CTSB: variants seen among roughly 807,000 people sequenced by gnomAD.
CTSB encodes APP secretase.
A neutral mutation model predicts 44.3 loss-of-function variants in CTSB; 57 were observed. The observed-to-expected ratio is 1.29, with a 90% confidence interval of 1.04 to 1.60. The LOEUF (loss-of-function observed/expected upper bound fraction) is 1.60. CTSB is among the 40% of genes most tolerant of loss of function. The pLI is 0.00. For synonymous variants in CTSB, 320 were observed against 168.0 expected (o/e 1.91, Z -7.00); for missense variants, 768 against 443.0 (o/e 1.73, Z -6.59).
intron 1 of CTSB, among the ~76,000 whole-genome samples, chr8:11,863,514 G>A (rs1365415796): frequency 1.3e-5 from 2 of 151,910 alleles, no homozygotes; most frequent in African/African-American, 2.4e-5. Flanking sequence ...AATAAAAACA[G>A]GAAAAGTGTC....
chr8:11,848,677 G>A (rs1380633129), intron 5 of CTSB: 1 of 303,378 alleles, frequency 3.3e-6, no homozygotes, highest in Non-Finnish European at 6.5e-6. Context: ...CCACCACCTT[G>A]TTGTTAAGGT....
intron 1 of CTSB, among the ~76,000 whole-genome samples, chr8:11,856,332 T>C (rs1815501550): frequency 6.6e-6 from 1 of 152,186 alleles, no homozygotes; most frequent in East Asian, 1.9e-4. Context: ...GAAGCAACCA[T>C]TAAAAAAGCA....
intron 7 of CTSB, 37 bp from the exon 8 acceptor site, chr8:11,847,205 G>A (rs369769242): frequency 1.3e-4 from 184 of 1,377,878 alleles, no homozygotes; most frequent in African/African-American, 9.7e-4. Context: ...GGGGAGGGCA[G>A]TGACCGTGCC....
intron 1 of CTSB, among the ~76,000 whole-genome samples, chr8:11,864,022 T>C (rs891267892): frequency 6.6e-6 from 1 of 152,100 alleles, no homozygotes; most frequent in Non-Finnish European, 1.5e-5. Context: ...TGTCCCTCAG[T>C]AGATAAACAC....
rs878997016 is a variant in CTSB at position 11,843,981 on chromosome 8, T to G, written c.*1144A>C. ...TAGGAGGCTGCAGGTTGCAGTGAGC[T>G]GAGAAGGCGCCACTGCACTCCAGCC... is the stretch of plus-strand genomic sequence containing the variant. On this transcript the variant is annotated 3_prime_UTR_variant, in exon 10 of 10. Coordinates refer to ENST00000353047, the MANE Select transcript of CTSB (RefSeq NM_001908.5). 2 of 152,174 alleles carry G rather than the reference T, an allele frequency of 1.3e-5. No homozygotes were observed. Among genetic ancestry groups the G allele is most frequent in the African/African-American group, 4.8e-5 (2 of 41,438 alleles). The allele number at this position is 152,174 out of a possible 1,614,324, so 9.4% of individuals were successfully genotyped here.
At chr8:11,853,247 G>C (rs114046772) in intron 2 of CTSB, 82 bp downstream of exon 2, 1 of 1,557,832 alleles carries the variant, frequency 6.4e-7, no homozygotes, top group Non-Finnish European at 8.7e-7. Context: ...GCCACAGTGA[G>C]GGCTGGCTTC....
At position 11,845,181 on chromosome 8, in the gene CTSB, C is replaced by T. The variant is rs778494806; in HGVS notation, c.964G>A (p.Glu322Lys). 9.9e-6 allele frequency: 16 copies of T among 1,614,004 alleles called. No homozygotes were observed. The South Asian group carries it at 1.3e-4, about 13-fold the overall frequency. ...ILRGQDHCGI[E>K]SEVVAGIPRT... is the part of the protein sequence containing the mutation. ...GGAATTCCAGCCACCACTTCTGATTCGATTCCACAGTGATCCTGTCCTCTG... is the reference window on the plus strand; with the variant it reads ...GGAATTCCAGCCACCACTTCTGATTTGATTCCACAGTGATCCTGTCCTCTG... Residue 322 changes from glutamate (E) to lysine (K), a missense_variant, in exon 10 of 10, where the codon GAA (glutamate) becomes AAA (lysine). Transcript: ENST00000353047.
Position 11,852,656 on chromosome 8 carries a change from T to G in CTSB, c.166A>C (p.Lys56Gln). ...CCCAGGAAGGTACCACATAGCCTCT[T>G]CAAGTAGCTCATGTCCACGTTGTAG... The part of the protein sequence containing the change: ...NFYNVDMSYL[K>Q]RLCGTFLGGP... Residue 56 changes from lysine to glutamine, a missense_variant, in exon 3 of 10, where the codon AAG becomes CAG. Physicochemically the swap from Lys to Gln is moderately conservative, Grantham distance 53 (BLOSUM62 1). Transcript: ENST00000353047. 6.2e-7 allele frequency: 1 copy of G among 1,614,050 alleles called. No homozygotes were observed. Among genetic ancestry groups the G allele is most frequent in the Non-Finnish European group, 8.5e-7 (1 of 1,180,016 alleles).
intron 4 of CTSB, chr8:11,850,600 G>A (rs772410042): frequency 1.5e-5 from 5 of 325,750 alleles, no homozygotes; most frequent in South Asian, 6.3e-5. Context: ...TTTGCGGACG[G>A]GCCAGCATGT....
rs1001746369 is a variant in CTSB, at chr8:11,866,932, G to A, written c.-26+1069C>T. 1.9e-4 allele frequency among the ~76,000 whole-genome samples: 29 copies of A among 152,260 alleles called. No individual in the cohort carries two copies. The East Asian group carries it at 4.1e-3, about 21-fold the overall frequency. Reference sequence around the variant, plus strand: ...GTGCATCTCAGCTATCCTCTCCTCCGGCAGCAGGCAGTGGGAATGTTTTTC... The same window carrying A: ...GTGCATCTCAGCTATCCTCTCCTCCAGCAGCAGGCAGTGGGAATGTTTTTC... On this transcript the variant is annotated intron_variant, in intron 1 of 9. Coordinates refer to ENST00000353047, the MANE Select transcript of CTSB (RefSeq NM_001908.5).
At position 11,849,171 on chromosome 8, in the gene CTSB, G is replaced by T. The variant is rs780216914; in HGVS notation, c.328-7C>A. On this transcript the variant is annotated splice_region_variant and splice_polypyrimidine_tract_variant and intron_variant, in intron 4 of 9. Transcript: ENST00000353047. Reference sequence around the variant, plus strand: ...CTTCCACAGCCCCGAAGGCCTGCAGGAACGAGCCCCACCGGGTGAGGCTGC... The same window carrying T: ...CTTCCACAGCCCCGAAGGCCTGCAGTAACGAGCCCCACCGGGTGAGGCTGC... 2 of 1,610,008 alleles carry T rather than the reference G, an allele frequency of 1.2e-6. No individual in the cohort carries two copies. The highest frequency in any genetic ancestry group is 2.2e-5 in the East Asian group (1 of 44,826).
intron 3 of CTSB, 91 bp downstream of exon 3, chr8:11,852,519 C>A: frequency 4.2e-6 from 4 of 960,126 alleles, no homozygotes; most frequent in East Asian, 5.1e-5. Flanking sequence ...GCCCTGCGGA[C>A]GCCAGAGAGG....
chr8:11,855,501 A>G (rs1422023426), intron 1 of CTSB, among the ~76,000 whole-genome samples: 2 of 152,216 alleles, frequency 1.3e-5, no homozygotes, highest in African/African-American at 4.8e-5. Context: ...TATAGAAAAT[A>G]AAGTTTTTTA....
intron 2 of CTSB, 86 bp downstream of exon 2, chr8:11,853,243 G>T (rs767888292): frequency 1.5e-5 from 23 of 1,548,880 alleles, no homozygotes; most frequent in Non-Finnish European, 1.7e-5. Context: ...GTGGGCCACA[G>T]TGAGGGCTGG....
chr8:11,847,515 A>C (rs998060590), intron 7 of CTSB, among the ~76,000 whole-genome samples, 164 bp downstream of exon 7: 24 of 152,082 alleles, frequency 1.6e-4, no homozygotes, highest in African/African-American at 4.1e-4. Context: ...GAAAGTGGAG[A>C]GTGTGCTGCT....
chr8:11,858,879 G>A (rs760184574), intron 1 of CTSB, among the ~76,000 whole-genome samples: 2 of 152,102 alleles, frequency 1.3e-5, no homozygotes, highest in African/African-American at 4.8e-5. Flanking sequence ...CTTTATATAG[G>A]CACCCACTTC....
chr8:11,856,080 A>C (rs1182009376), intron 1 of CTSB, among the ~76,000 whole-genome samples: 1 of 152,064 alleles, frequency 6.6e-6, no homozygotes, highest in East Asian at 1.9e-4. Context: ...GTGCAGATAA[A>C]ATCAAGGAGG....
intron 1 of CTSB, among the ~76,000 whole-genome samples, chr8:11,860,490 G>A (rs191712540): frequency 3.9e-5 from 6 of 152,230 alleles, no homozygotes; most frequent in African/African-American, 1.4e-4. Flanking sequence ...AGGCGTGGTG[G>A]TTGTGCACCT....
chr8:11,864,135 T>C (rs1225968563), intron 1 of CTSB, among the ~76,000 whole-genome samples: 9 of 152,080 alleles, frequency 5.9e-5, no homozygotes. Flanking sequence ...TGAAGTCATA[T>C]AAACTTTAAT....
Sources: gnomAD v4.1 joint callset for allele counts (sites outside exome capture counted in the v4.1 genomes callset) on GRCh38, gnomAD v4.1.1 for gene constraint, MANE v1.5 for transcripts, NCBI Gene and HGNC (gene_info 2026-07-23, HGNC 2026-07-21) for gene names.